The following HPSE2 variants were observed in gnomAD, a reference collection of about 807,000 sequenced individuals.
The protein encoded by HPSE2 is inactive heparanase-2.
Under a neutral mutation model 60.5 loss-of-function variants are expected in HPSE2, and 38 were observed. The ratio of observed to expected loss-of-function variants is 0.63; its 90% CI spans 0.48 to 0.82. The LOEUF (loss-of-function observed/expected upper bound fraction) is 0.82, where lower values mean the gene tolerates loss of function less well. Ranked by LOEUF, HPSE2 falls within the 40% of genes least tolerant of loss-of-function variation. HPSE2 has a pLI of 0.00. For missense variants in HPSE2, 713 were observed against 740.4 expected (o/e 0.96, Z 0.43); for synonymous variants, 295 against 293.2 (o/e 1.01, Z -0.06).
intron 3 of HPSE2, among the ~76,000 whole-genome samples, chr10:98,976,392 T>C (rs371139278): frequency 6.6e-6 from 1 of 152,150 alleles, no homozygotes; most frequent in African/African-American, 2.4e-5. Flanking sequence ...ATAATTCCAA[T>C]TTTACAGGCA....
At chr10:98,794,100 T>C (rs1026601334) in intron 3 of HPSE2, among the ~76,000 whole-genome samples, 1 of 152,220 alleles carries the variant, frequency 6.6e-6, no homozygotes, top group Non-Finnish European at 1.5e-5. Context: ...TTCATTGTTA[T>C]AACCATAGTA....
chr10:98,585,191 T>C (rs1247157419), intron 9 of HPSE2, among the ~76,000 whole-genome samples: 2 of 152,074 alleles, frequency 1.3e-5, no homozygotes, highest in African/African-American at 2.4e-5. Flanking sequence ...GGTTAGATGC[T>C]ACATGAAAAG....
intron 3 of HPSE2, among the ~76,000 whole-genome samples, chr10:98,749,655 G>T (rs952154294): frequency 5.3e-5 from 8 of 150,826 alleles, no homozygotes; most frequent in African/African-American, 1.7e-4. Context: ...TTCACTTTCA[G>T]TATAGTATTC....
intron 2 of HPSE2, among the ~76,000 whole-genome samples, chr10:99,197,923 T>C (rs1433025895): frequency 1.3e-5 from 2 of 151,830 alleles, no homozygotes; most frequent in Non-Finnish European, 2.9e-5. Flanking sequence ...ATACAAAAAT[T>C]AGCCAGGTGT....
chr10:98,589,980 C>T (rs1004838415), intron 9 of HPSE2, among the ~76,000 whole-genome samples: 1 of 152,196 alleles, frequency 6.6e-6, no homozygotes, highest in Non-Finnish European at 1.5e-5. Context: ...TACCTTATCT[C>T]CCTTATGCTG....
chr10:99,087,731 G>A (rs1194234834), intron 3 of HPSE2, among the ~76,000 whole-genome samples: 1 of 152,010 alleles, frequency 6.6e-6, no homozygotes. Flanking sequence ...TTCATTTCTG[G>A]ATCTACCCCC....
At chr10:99,063,969 T>A (rs1842531505) in intron 3 of HPSE2, among the ~76,000 whole-genome samples, 3 of 152,164 alleles carry the variant, frequency 2.0e-5, no homozygotes, top group Admixed American at 2.0e-4. Flanking sequence ...GGCACGTGCC[T>A]GTAATCCCAG....
chr10:98,745,535 G>A (rs545960045), intron 3 of HPSE2, among the ~76,000 whole-genome samples: 25 of 152,166 alleles, frequency 1.6e-4, no homozygotes, highest in African/African-American at 6.0e-4. Context: ...CTCAACTTTA[G>A]GCCTCCCTAT....
Position 98,693,952 on chromosome 10 carries a change from A to G in HPSE2, c.957-5T>C. ...CTTCCTGCCACCTTCATGAATCTGT[A>G]AGGAATAGAAAGAAAAAAGATATTA... is the stretch of plus-strand genomic sequence containing the variant. On this transcript the variant is annotated splice_polypyrimidine_tract_variant and splice_region_variant and intron_variant, in intron 5 of 11. Transcript: ENST00000370552. 1.9e-6 allele frequency: 3 copies of G among 1,607,900 alleles called. No homozygotes were observed. Among genetic ancestry groups the G allele is most frequent in the Non-Finnish European group, 1.7e-6 (2 of 1,174,572 alleles).
chr10:99,158,666 C>G (rs1404214257), intron 2 of HPSE2, among the ~76,000 whole-genome samples: 2 of 146,702 alleles, frequency 1.4e-5, no homozygotes, highest in Non-Finnish European at 3.0e-5. Context: ...TTAGTGGGTG[C>G]AGCGCACCAG....
intron 3 of HPSE2, among the ~76,000 whole-genome samples, chr10:99,105,854 C>T (rs968726120): frequency 1.3e-5 from 2 of 151,904 alleles, no homozygotes; most frequent in Non-Finnish European, 2.9e-5. Context: ...ATCCACTTGT[C>T]CCAGTACTAC....
chr10:98,532,134 G>T (rs1342253813), intron 9 of HPSE2, among the ~76,000 whole-genome samples: 1 of 152,154 alleles, frequency 6.6e-6, no homozygotes, highest in Admixed American at 6.5e-5. Flanking sequence ...TGTTTAACAT[G>T]ACAGACCCCT....
rs147287303 is a variant in HPSE2, at chr10:98,747,382, C to T, written c.611-3326G>A. On this transcript the variant is annotated intron_variant, in intron 3 of 11. Coordinates refer to ENST00000370552, the MANE Select transcript of HPSE2 (RefSeq NM_021828.5). ...AGTCATCTTTTTCTAAAACTATTTC[C>T]ATATAATGAGTATTTTACTGTGTAT... Among the ~76,000 whole-genome samples, 29 of 152,008 alleles carry T rather than the reference C, an allele frequency of 1.9e-4. No individual in the cohort carries two copies. In the East Asian group the frequency reaches 5.6e-3, roughly 29 times the overall value.
At chr10:98,530,344 T>C (rs955014388) in intron 9 of HPSE2, among the ~76,000 whole-genome samples, 4 of 152,192 alleles carry the variant, frequency 2.6e-5, no homozygotes, top group Non-Finnish European at 5.9e-5. Context: ...CCAGAGGGCT[T>C]GTTAAAACCA....
At chr10:99,257,789 T>C in the HPSE2 span, among the ~76,000 whole-genome samples, 2 of 152,144 alleles carry the variant, frequency 1.3e-5, no homozygotes, top group Non-Finnish European at 2.9e-5. Flanking sequence ...AATAAAAACT[T>C]GCTGGTTTTG....
rs11816106 is a variant in HPSE2 at position 99,232,803 on chromosome 10, T to C, written c.291-298A>G. Among the ~76,000 whole-genome samples the C allele has an allele frequency of 7.5e-3, 1,143 of 152,326 alleles. 14 individuals carry two copies. The highest frequency in any genetic ancestry group is 0.026 in the African/African-American group (1,088 of 41,578). ...CTACAGATAGTGTTTGTTCATAGAGTGTTTGTATGGGGTGGGTGTACGTGC... is the reference window on the plus strand; with the variant it reads ...CTACAGATAGTGTTTGTTCATAGAGCGTTTGTATGGGGTGGGTGTACGTGC... On this transcript the variant is annotated intron_variant, in intron 1 of 11. Coordinates refer to ENST00000370552, the MANE Select transcript of HPSE2 (RefSeq NM_021828.5).
intron 3 of HPSE2, among the ~76,000 whole-genome samples, chr10:98,764,294 T>A (rs2134397253): frequency 6.6e-6 from 1 of 152,042 alleles, no homozygotes; most frequent in African/African-American, 2.4e-5. Context: ...ACTAAAAATA[T>A]TCATTTAATC....
At chr10:99,233,870 C>T (rs1471631116) in intron 1 of HPSE2, among the ~76,000 whole-genome samples, 1 of 152,182 alleles carries the variant, frequency 6.6e-6, no homozygotes, top group Non-Finnish European at 1.5e-5. Context: ...TTCCAACAAC[C>T]TTTCATCCAG....
intron 5 of HPSE2, among the ~76,000 whole-genome samples, chr10:98,715,304 A>G (rs1195862820): frequency 6.6e-6 from 1 of 151,942 alleles, no homozygotes; most frequent in African/African-American, 2.4e-5. Flanking sequence ...TTACTTTCAA[A>G]ATGATCTTTT....
Sources: allele counts gnomAD v4.1 joint callset (sites outside exome capture counted in the v4.1 genomes callset), GRCh38; gene constraint gnomAD v4.1.1; transcripts MANE v1.5; gene names NCBI Gene and HGNC (gene_info 2026-07-23, HGNC 2026-07-21).